SERPINB7: variants seen among roughly 807,000 people sequenced by gnomAD.
SERPINB7 encodes serpin family B member 7, also known as serpin B7.
In SERPINB7, 31 loss-of-function variants were observed where a neutral mutation model predicts 37.4. The observed-to-expected ratio is 0.83, with a 90% CI of 0.62 to 1.12. The LOEUF (loss-of-function observed/expected upper bound fraction) is 1.12, where lower values mean the gene tolerates loss of function less well. Among genes scored for constraint, SERPINB7 ranks in the 50% most tolerant of loss-of-function variants. The pLI, the probability that SERPINB7 is intolerant of heterozygous loss-of-function variation, is 0.00. For missense variants in SERPINB7, 521 were observed against 455.3 expected (o/e 1.14, Z -1.31); for synonymous variants, 163 against 166.1 (o/e 0.98, Z 0.14).
intron 1 of SERPINB7, among the ~76,000 whole-genome samples, chr18:63,759,608 C>A (rs996502479): frequency 1.3e-5 from 2 of 152,156 alleles, no homozygotes; most frequent in Non-Finnish European, 2.9e-5. Flanking sequence ...CTCTCTCCTA[C>A]CCCTGAAGTG....
chr18:63,763,463 A>G (rs2049165064), intron 1 of SERPINB7, among the ~76,000 whole-genome samples: 1 of 152,194 alleles, frequency 6.6e-6, no homozygotes, highest in Non-Finnish European at 1.5e-5. Flanking sequence ...TTGGTAAGTA[A>G]TCCACCTTTC....
At chr18:63,800,752 G>A in intron 6 of SERPINB7, 114 bp from the exon 7 acceptor site, 1 of 1,118,056 alleles carries the variant, frequency 8.9e-7, no homozygotes, top group Non-Finnish European at 1.3e-6. Context: ...GAAAAAATCT[G>A]CAGGGTCAAC....
chr18:63,780,634 A>G (rs1281311760), intron 1 of SERPINB7, among the ~76,000 whole-genome samples: 1 of 152,172 alleles, frequency 6.6e-6, no homozygotes, highest in East Asian at 1.9e-4. Context: ...AAATCAACAT[A>G]CATTTTTTTC....
intron 1 of SERPINB7, among the ~76,000 whole-genome samples, chr18:63,761,488 C>T (rs111713079): frequency 0.036 from 5,501 of 152,096 alleles, 167 homozygotes; most frequent in African/African-American, 0.075. Context: ...GTTGGGAAGG[C>T]GTGATTGGTT....
At chr18:63,773,296 T>C (rs950981034), upstream of SERPINB7, among the ~76,000 whole-genome samples, 1 of 152,074 alleles carries the variant, frequency 6.6e-6, no homozygotes, top group African/African-American at 2.4e-5. Context: ...AAAAACCATA[T>C]CAAGCAAACA....
chr18:63,767,361 A>T (rs1423799950), intron 1 of SERPINB7, among the ~76,000 whole-genome samples: 1 of 152,142 alleles, frequency 6.6e-6, no homozygotes, highest in Non-Finnish European at 1.5e-5. Context: ...AATAGAGGGG[A>T]AAAAAGTTAA....
At chr18:63,791,405 T>C (rs1015943192) in intron 2 of SERPINB7, among the ~76,000 whole-genome samples, 3 of 152,138 alleles carry the variant, frequency 2.0e-5, no homozygotes, top group Non-Finnish European at 2.9e-5. Context: ...GAATAATCAT[T>C]GGTGGGAAAT....
intron 2 of SERPINB7, among the ~76,000 whole-genome samples, chr18:63,785,869 C>T (rs2049359329): frequency 7.1e-6 from 1 of 141,382 alleles, no homozygotes; most frequent in African/African-American, 2.6e-5. Flanking sequence ...CAAGACATTT[C>T]CATTGAAATG....
At chr18:63,780,520 C>T (rs142531334) in intron 1 of SERPINB7, among the ~76,000 whole-genome samples, 186 of 152,248 alleles carry the variant, frequency 1.2e-3, no homozygotes, top group African/African-American at 4.2e-3. Context: ...ATACCTAGTC[C>T]TAACTTTCAT....
chr18:63,787,547 C>T, intron 2 of SERPINB7, among the ~76,000 whole-genome samples: 2 of 152,118 alleles, frequency 1.3e-5, no homozygotes, highest in Admixed American at 1.3e-4. Flanking sequence ...CAAGCATTAT[C>T]TCAGAAAAGA....
intron 1 of SERPINB7, among the ~76,000 whole-genome samples, chr18:63,761,202 GGA>G: frequency 6.6e-6 from 1 of 152,304 alleles, no homozygotes. Context: ...TGTGAGACCT[GGA>G]GGCAAAGGAG....
In SERPINB7 at chr18:63,800,905, A is replaced by C; in HGVS notation, c.637A>C (p.Lys213Gln). ...KAVAMMHQER[K>Q]FNLSVIEDPS... ...AGTCGCCATGATGCATCAGGAACGGAAGTTCAATTTGTCTGTTATTGAGGA... is the reference window on the plus strand; with the variant it reads ...AGTCGCCATGATGCATCAGGAACGGCAGTTCAATTTGTCTGTTATTGAGGA... Residue 213 changes from lysine (K) to glutamine (Q), a missense_variant, in exon 7 of 8, where the codon AAG becomes CAG. Physicochemically the swap from Lys to Gln is moderately conservative, Grantham distance 53 (BLOSUM62 1). Coordinates refer to ENST00000398019, the MANE Select transcript of SERPINB7 (RefSeq NM_003784.4). The C allele has an allele frequency of 1.2e-6, 2 of 1,613,980 alleles. No individual in the cohort carries two copies. The highest frequency in any genetic ancestry group is 1.7e-6 in the Non-Finnish European group (2 of 1,179,886).
rs746183078 is a variant in SERPINB7, at chr18:63,792,385, G to C, written c.169-8G>C. ...CTAATGATTGCTTTCCTTGTGCCCTGTTTACAGTTGCTTCATGTTAACACT... is the reference window on the plus strand; with the variant it reads ...CTAATGATTGCTTTCCTTGTGCCCTCTTTACAGTTGCTTCATGTTAACACT... On this transcript the variant is annotated splice_region_variant and splice_polypyrimidine_tract_variant and intron_variant, in intron 2 of 7. Transcript: ENST00000398019. 6 of 1,593,396 alleles carry C rather than the reference G, an allele frequency of 3.8e-6. No individual in the cohort carries two copies. The Admixed American group carries it at 8.3e-5, about 22-fold the overall frequency.
intron 1 of SERPINB7, among the ~76,000 whole-genome samples, chr18:63,781,468 A>AC (rs2049300414): frequency 6.6e-6 from 1 of 152,242 alleles, no homozygotes; most frequent in African/African-American, 2.4e-5. Context: ...ATGTAATATC[A>AC]TTGGACATTC....
At position 63,805,153 on chromosome 18, in the gene SERPINB7, A is replaced by G. The variant is rs2049594593; in HGVS notation, c.*518A>G. The G allele has an allele frequency of 6.6e-6, 1 of 152,524 alleles. No individual in the cohort carries two copies. Among genetic ancestry groups the G allele is most frequent in the South Asian group, 2.1e-4 (1 of 4,836 alleles). 9.4% of individuals were successfully genotyped at this position (152,524 alleles called of 1,614,324 possible). On this transcript the variant is annotated 3_prime_UTR_variant, in exon 8 of 8. Coordinates refer to ENST00000398019, the MANE Select transcript of SERPINB7 (RefSeq NM_003784.4). ...AATCAGTGTATAATCTAGATGGTAA[A>G]AAATGTGAAATTGGGATTAGGGACC...
Position 63,782,348 on chromosome 18 carries a change from C to A in SERPINB7, c.-18-7C>A, listed in dbSNP as rs1451843741. The A allele has an allele frequency of 1.3e-6, 2 of 1,579,644 alleles. No individual in the cohort carries two copies. The highest frequency in any genetic ancestry group is 1.3e-5 in the African/African-American group (1 of 74,278). ...GGAACTAATTTCATTTTCTCATTGT[C>A]CTCTAGGCTGCACTCCATTTTGCAA... On this transcript the variant is annotated splice_polypyrimidine_tract_variant and splice_region_variant and intron_variant, in intron 1 of 7. Coordinates refer to ENST00000398019, the MANE Select transcript of SERPINB7 (RefSeq NM_003784.4).
At chr18:63,794,191 A>G (rs1385877989) in intron 4 of SERPINB7, among the ~76,000 whole-genome samples, 1 of 135,782 alleles carries the variant, frequency 7.4e-6, no homozygotes, top group African/African-American at 2.8e-5. Context: ...CAAACTCTTG[A>G]CCTCAGGTGA....
chr18:63,803,303 C>A (rs1359305839), intron 7 of SERPINB7, among the ~76,000 whole-genome samples: 1 of 151,696 alleles, frequency 6.6e-6, no homozygotes, highest in African/African-American at 2.4e-5. Flanking sequence ...AACTGGATAA[C>A]TAAAACAAAA....
chr18:63,782,666 C>T, intron 2 of SERPINB7, 126 bp downstream of exon 2: 1 of 842,710 alleles, frequency 1.2e-6, no homozygotes, highest in South Asian at 2.0e-5. Context: ...CTTCACACAT[C>T]TCCACGAGGC....
Sources: allele counts gnomAD v4.1 joint callset (sites outside exome capture counted in the v4.1 genomes callset), GRCh38; gene constraint gnomAD v4.1.1; transcripts MANE v1.5; gene names NCBI Gene and HGNC (gene_info 2026-07-23, HGNC 2026-07-21).